ACSM2A: variants seen among roughly 807,000 people sequenced by gnomAD.
ACSM2A encodes the protein acyl-coenzyme A synthetase ACSM2A, mitochondrial.
A neutral mutation model predicts 76.6 loss-of-function variants in ACSM2A; 72 were observed. The observed-to-expected ratio is 0.94, with a 90% confidence interval of 0.78 to 1.14. The LOEUF is 1.14. Among genes scored for constraint, ACSM2A ranks in the 50% most tolerant of loss-of-function variants. The pLI, the probability that ACSM2A is intolerant of heterozygous loss-of-function variation, is 0.00. For synonymous variants in ACSM2A, 249 were observed against 255.9 expected (o/e 0.97, Z 0.26); for missense variants, 684 against 708.5 (o/e 0.97, Z 0.39).
Position 20,486,791 on chromosome 16 carries a change from A to C in ACSM2A, c.*113A>C. On this transcript the variant is annotated 3_prime_UTR_variant, in exon 14 of 14. Transcript: ENST00000573854. ...TTCTTTATGGAAGAACATGAATATA[A>C]GTTTTGTCTTGCCTTGGTTATTAGC... 7.5e-7 allele frequency: 1 copy of C among 1,334,996 alleles called. No homozygotes were observed. Among genetic ancestry groups the C allele is most frequent in the Non-Finnish European group, 1.0e-6 (1 of 956,918 alleles). 82.7% of individuals were successfully genotyped at this position (1,334,996 alleles called of 1,614,324 possible).
chr16:20,460,339 T>C (rs778701555), intron 2 of ACSM2A, 48 bp downstream of exon 2: 2 of 1,597,488 alleles, frequency 1.3e-6, no homozygotes, highest in Non-Finnish European at 8.5e-7. Flanking sequence ...TTGTTGACTT[T>C]TAAAATTCAT....
chr16:20,460,176 G>C lies in ACSM2A; in HGVS notation c.62G>C (p.Arg21Pro), dbSNP rs375002848. The C allele has an allele frequency of 6.2e-7, 1 of 1,613,156 alleles. No individual in the cohort carries two copies. Among genetic ancestry groups the C allele is most frequent in the Admixed American group, 1.7e-5 (1 of 59,880 alleles). The change falls in exon 2 of 14, where the codon CGC becomes CCC. Residue 21 changes from arginine to proline, a missense_variant. Physicochemically the swap from Arg to Pro is moderately radical, Grantham distance 103 (BLOSUM62 -2). Coordinates refer to ENST00000573854, the MANE Select transcript of ACSM2A (RefSeq NM_001308172.2). ...CTGTGGGGTACTCAGATGTCCAGCC[G>C]CACTCTCTACATTAATAGTAGGCAA... The part of the protein sequence containing the change: ...CTLWGTQMSS[R>P]TLYINSRQLV...
In ACSM2A at chr16:20,480,871, G is replaced by C; in HGVS notation, c.1459G>C (p.Ala487Pro). 2.5e-6 allele frequency: 4 copies of C among 1,613,978 alleles called. No individual in the cohort carries two copies. Among genetic ancestry groups the C allele is most frequent in the Non-Finnish European group, 3.4e-6 (4 of 1,179,860 alleles). Reference sequence around the variant, plus strand: ...AGAGAATGCACTGATGGAGCACCCTGCTGTGGTTGAGACGGCTGTGATCAG... The same window carrying C: ...AGAGAATGCACTGATGGAGCACCCTCCTGTGGTTGAGACGGCTGTGATCAG... ...EVENALMEHP[A>P]VVETAVISSP... Residue 487 changes from alanine (A) to proline (P), a missense_variant, in exon 12 of 14, where the codon GCT becomes CCT. By Grantham distance (27) the Ala-to-Pro change is conservative. Coordinates refer to ENST00000573854, the MANE Select transcript of ACSM2A (RefSeq NM_001308172.2).
intron 1 of ACSM2A, among the ~76,000 whole-genome samples, chr16:20,459,418 T>C (rs1469233594): frequency 1.3e-5 from 2 of 152,186 alleles, no homozygotes; most frequent in African/African-American, 4.8e-5. Context: ...TAGTTAGCAT[T>C]TGCTACAGTA....
chr16:20,471,248 T>C, intron 5 of ACSM2A, 32 bp downstream of exon 5: 1 of 1,601,126 alleles, frequency 6.2e-7, no homozygotes, highest in Non-Finnish European at 8.5e-7. Context: ...TACAGAGAAT[T>C]ACATGAGTTT....
Position 20,471,606 on chromosome 16 carries a change from T to A in ACSM2A, c.811T>A (p.Cys271Ser). ...CACAGGTTGGATACTGAACATCTTG[T>A]GCTCACTTATGGAACCTTGGGCATT... is the stretch of plus-strand genomic sequence containing the variant. ...SDTGWILNIL[C>S]SLMEPWALGA... The change falls in exon 6 of 14, where the codon TGC becomes AGC. Residue 271 changes from cysteine (C) to serine (S), a missense_variant. Physicochemically the swap from Cys to Ser is moderately radical, Grantham distance 112. Coordinates refer to ENST00000573854, the MANE Select transcript of ACSM2A (RefSeq NM_001308172.2). The A allele has an allele frequency of 6.2e-7, 1 of 1,614,032 alleles. No individual in the cohort carries two copies. Among genetic ancestry groups the A allele is most frequent in the African/African-American group, 1.3e-5 (1 of 75,010 alleles).
At chr16:20,476,985 A>G (rs2013775846) in intron 8 of ACSM2A, 2 of 176,812 alleles carry the variant, frequency 1.1e-5, no homozygotes, top group Non-Finnish European at 2.3e-5. Flanking sequence ...ATGTACCCAC[A>G]AAAATTCAAA....
Position 20,469,668 on chromosome 16 carries a change from T to C in ACSM2A, c.545T>C (p.Leu182Pro). ...TGTCCTTCTCTGAGAATTAAGCTAC[T>C]GGTGTCTGAGAAAAGCTGTGATGGG... ...SECPSLRIKLLVSEKSCDGWL... is the reference protein window; with the variant it reads ...SECPSLRIKLPVSEKSCDGWL... The change falls in exon 4 of 14, where the codon CTG becomes CCG. Residue 182 changes from leucine to proline, a missense_variant. By Grantham distance (98) the Leu-to-Pro change is moderately conservative. This residue lies in a region of ACSM2A where 519 missense variants were observed against 549.5 expected (regional missense o/e 0.94). Coordinates refer to ENST00000573854, the MANE Select transcript of ACSM2A (RefSeq NM_001308172.2). 2 of 1,613,856 alleles carry C rather than the reference T, an allele frequency of 1.2e-6. No homozygotes were observed. The highest frequency in any genetic ancestry group is 2.2e-5 in the East Asian group (1 of 44,864).
intron 9 of ACSM2A, among the ~76,000 whole-genome samples, chr16:20,478,143 A>G (rs1356365475): frequency 3.3e-5 from 5 of 152,224 alleles, no homozygotes; most frequent in African/African-American, 1.2e-4. Context: ...TCCTATAAAA[A>G]TCCTGTGAAA....
At chr16:20,453,139 T>C (rs2011889602) in intron 1 of ACSM2A, 2 of 152,014 alleles carry the variant, frequency 1.3e-5, no homozygotes, top group Non-Finnish European at 2.9e-5. Flanking sequence ...TAAGCTCTTA[T>C]CATGTTAGTG....
At chr16:20,476,574 C>T in intron 8 of ACSM2A, 1 of 985,436 alleles carries the variant, frequency 1.0e-6, no homozygotes, top group Non-Finnish European at 1.2e-6. Flanking sequence ...GGCCTCCCAC[C>T]ATTCAGAGGA....
intron 6 of ACSM2A, among the ~76,000 whole-genome samples, chr16:20,473,074 G>A (rs1465018704): frequency 6.6e-6 from 1 of 152,108 alleles, no homozygotes; most frequent in Non-Finnish European, 1.5e-5. Flanking sequence ...TACACCCTAT[G>A]TTGGACTCTA....
chr16:20,455,389 G>T (rs1268559475), intron 1 of ACSM2A, among the ~76,000 whole-genome samples: 7 of 151,514 alleles, frequency 4.6e-5, no homozygotes, highest in Non-Finnish European at 8.8e-5. Context: ...CTTAAGAGCT[G>T]TGAGGCAAAA....
Position 20,480,932 on chromosome 16 carries a change from A to G in ACSM2A, c.1509+11A>G, listed in dbSNP as rs1159048887. ...CCCGTCCGAGGAGAGGTGATGGGGAAGCAGTAGCCTGGGGGTGAACACATA... is the reference window on the plus strand; with the variant it reads ...CCCGTCCGAGGAGAGGTGATGGGGAGGCAGTAGCCTGGGGGTGAACACATA... On this transcript the variant is annotated intron_variant, in intron 12 of 13. Coordinates refer to ENST00000573854, the MANE Select transcript of ACSM2A (RefSeq NM_001308172.2). 5 of 1,613,758 alleles carry G rather than the reference A, an allele frequency of 3.1e-6. No individual in the cohort carries two copies. In the African/African-American group the frequency reaches 5.3e-5, roughly 17 times the overall value.
At position 20,475,360 on chromosome 16, in the gene ACSM2A, A is replaced by T; in HGVS notation, c.895-2A>T. The T allele has an allele frequency of 6.2e-7, 1 of 1,613,682 alleles. No homozygotes were observed. The highest frequency in any genetic ancestry group is 1.1e-5 in the South Asian group (1 of 91,062). The stretch of plus-strand genomic sequence containing the variant: ...ATGTCTCACCTGGCTCTTGTCTTCC[A>T]GACACTCTCCAGTTATCCAATCAAG... On this transcript the variant is annotated splice_acceptor_variant, in intron 6 of 13. Coordinates refer to ENST00000573854, the MANE Select transcript of ACSM2A (RefSeq NM_001308172.2). LOFTEE classifies it high-confidence loss of function.
chr16:20,480,844 G>T lies in ACSM2A; in HGVS notation c.1432G>T (p.Val478Leu). ...SSGYRIGPSE[V>L]ENALMEHPAV... ...CAGGTACCGGATTGGACCCTCGGAG[G>T]TAGAGAATGCACTGATGGAGCACCC... Residue 478 changes from valine (V) to leucine (L), a missense_variant, in exon 12 of 14, where the codon GTA becomes TTA. This residue lies in a region of ACSM2A where 159 missense variants were observed against 132.5 expected (regional missense o/e 1.20). Transcript: ENST00000573854. The T allele has an allele frequency of 6.2e-7, 1 of 1,613,960 alleles. No homozygotes were observed. Among genetic ancestry groups the T allele is most frequent in the Non-Finnish European group, 8.5e-7 (1 of 1,179,868 alleles).
rs4410063 is a variant in ACSM2A at position 20,480,069 on chromosome 16, G to A, written c.1282-504G>A. ...GGGATAAACCTCAAGCCTTTTCATT[G>A]CTTATAAGCAAGTGCCTCAGCTGAA... On this transcript the variant is annotated intron_variant, in intron 10 of 13. Coordinates refer to ENST00000573854, the MANE Select transcript of ACSM2A (RefSeq NM_001308172.2). 1.6e-4 allele frequency among the ~76,000 whole-genome samples: 25 copies of A among 152,308 alleles called. 1 individual carries two copies. The highest frequency in any genetic ancestry group is 8.5e-4 in the Admixed American group (13 of 15,308).
intron 6 of ACSM2A, chr16:20,474,277 T>TA (rs1445330027): frequency 4.3e-6 from 1 of 230,852 alleles, no homozygotes; most frequent in African/African-American, 2.4e-5. Context: ...GTAACAGTAG[T>TA]AAGCGGTGGG....
chr16:20,483,019 A>C, intron 12 of ACSM2A, 39 bp from the exon 13 acceptor site: 1 of 1,607,870 alleles, frequency 6.2e-7, no homozygotes, highest in Non-Finnish European at 8.5e-7. Flanking sequence ...ATGACTACAC[A>C]CTCTAATCCC....
Sources: gnomAD v4.1 joint callset for allele counts (sites outside exome capture counted in the v4.1 genomes callset) on GRCh38, gnomAD v4.1.1 for gene constraint, gnomAD v4.1.1 regional missense constraint, MANE v1.5 for transcripts, NCBI Gene and HGNC (gene_info 2026-07-23, HGNC 2026-07-21) for gene names.